Variants in RABGAP1L observed in about 807,000 individuals in gnomAD.
The protein encoded by RABGAP1L is rab GTPase-activating protein 1-like.
In RABGAP1L, 63 loss-of-function variants were observed where a neutral mutation model predicts 137.7. That is an observed-to-expected ratio of 0.46 (90% confidence interval 0.37 to 0.56). The LOEUF (loss-of-function observed/expected upper bound fraction) is 0.56, where lower values mean the gene tolerates loss of function less well. Ranked by LOEUF, RABGAP1L falls within the 20% of genes least tolerant of loss-of-function variation. RABGAP1L has a pLI of 0.00. For missense variants in RABGAP1L, 1,095 were observed against 1,244.0 expected, an observed-to-expected ratio of 0.88 and a Z score of 1.80; for synonymous variants, 431 against 433.7, an observed-to-expected ratio of 0.99 and a Z score of 0.08.
intron 19 of RABGAP1L, among the ~76,000 whole-genome samples, chr1:174,956,270 T>G (rs1223499602): frequency 1.3e-5 from 2 of 151,868 alleles, no homozygotes; most frequent in Admixed American, 1.3e-4. Context: ...GCCGTCATAG[T>G]GCACTGCAGC....
rs374858487 is a variant in RABGAP1L at position 174,931,312 on chromosome 1, A to G, written c.2341-26145A>G. ...CTGCTAATGGTGAGACTGATATTCT[A>G]ATACCCTAGTTCTAAGCCTAGCTTT... is the stretch of plus-strand genomic sequence containing the variant. On this transcript the variant is annotated intron_variant, in intron 19 of 25. Coordinates refer to ENST00000681986, the MANE Select transcript of RABGAP1L (RefSeq NM_001366446.1). 2.8e-4 allele frequency among the ~76,000 whole-genome samples: 43 copies of G among 152,298 alleles called. No homozygotes were observed. The Middle Eastern group carries it at 0.01, about 36-fold the overall frequency.
chr1:174,426,606 A>C (rs1651992027), intron 13 of RABGAP1L, among the ~76,000 whole-genome samples: 1 of 152,078 alleles, frequency 6.6e-6, no homozygotes, highest in South Asian at 2.1e-4. Context: ...AAGTCGATTT[A>C]TCTTATAAGC....
At chr1:174,665,811 C>T (rs1254526954) in intron 14 of RABGAP1L, among the ~76,000 whole-genome samples, 1 of 152,000 alleles carries the variant, frequency 6.6e-6, no homozygotes, top group Non-Finnish European at 1.5e-5. Flanking sequence ...GTACTTACTC[C>T]CAGAGGGGTG....
chr1:174,353,130 A>G (rs1356623601), intron 11 of RABGAP1L, among the ~76,000 whole-genome samples: 7 of 152,202 alleles, frequency 4.6e-5, no homozygotes, highest in African/African-American at 1.4e-4. Flanking sequence ...TCAGCAGGTG[A>G]TGAATCCTAC....
intron 13 of RABGAP1L, among the ~76,000 whole-genome samples, chr1:174,456,793 T>C (rs1656084973): frequency 6.6e-6 from 1 of 152,186 alleles, no homozygotes; most frequent in Non-Finnish European, 1.5e-5. Flanking sequence ...CACTGAGTTA[T>C]TTGAAAAGTT....
intron 20 of RABGAP1L, among the ~76,000 whole-genome samples, chr1:174,965,904 G>T (rs557447888): frequency 6.6e-4 from 100 of 152,184 alleles, no homozygotes; most frequent in African/African-American, 2.3e-3. Context: ...CCTTGCCCTT[G>T]CCCCTTTAGC....
At chr1:174,785,427 C>T (rs1687382784) in intron 18 of RABGAP1L, among the ~76,000 whole-genome samples, 1 of 152,198 alleles carries the variant, frequency 6.6e-6, no homozygotes, top group Non-Finnish European at 1.5e-5. Flanking sequence ...CGTTCAGCTA[C>T]TGTTTCAGTA....
intron 4 of RABGAP1L, chr1:174,238,974 G>A (rs1467417189): frequency 1.3e-5 from 2 of 157,546 alleles, no homozygotes; most frequent in Non-Finnish European, 1.4e-5. Flanking sequence ...CTCGTGGTGC[G>A]CCCTTTTTTA....
chr1:174,345,045 C>T (rs942288826), intron 11 of RABGAP1L, among the ~76,000 whole-genome samples: 4 of 152,148 alleles, frequency 2.6e-5, no homozygotes, highest in African/African-American at 9.7e-5. Flanking sequence ...AAGAGACTGT[C>T]CTTTCTTCAA....
At chr1:174,741,394 G>A (rs1003541701) in intron 17 of RABGAP1L, among the ~76,000 whole-genome samples, 1 of 151,966 alleles carries the variant, frequency 6.6e-6, no homozygotes, top group Non-Finnish European at 1.5e-5. Flanking sequence ...ACAGAGTCTT[G>A]CCTTGTCACC....
chr1:174,758,423 T>C (rs1249906588), intron 18 of RABGAP1L, among the ~76,000 whole-genome samples: 1 of 151,942 alleles, frequency 6.6e-6, no homozygotes, highest in African/African-American at 2.4e-5. Flanking sequence ...TTTATTTTTA[T>C]TTTTTTTAAT....
chr1:174,989,885 A>G lies in RABGAP1L; in HGVS notation c.3040A>G (p.Ile1014Val), dbSNP rs768060514. The change falls in exon 26 of 26, where the codon ATC becomes GTC. Residue 1014 changes from isoleucine (I) to valine (V), a missense_variant. Coordinates refer to ENST00000681986, the MANE Select transcript of RABGAP1L (RefSeq NM_001366446.1). ...EHQRGALMNEIQAAKNSWFSK... is the reference protein window; with the variant it reads ...EHQRGALMNEVQAAKNSWFSK... ...TCAGAGAGGAGCCCTTATGAATGAA[A>G]TCCAAGCTGCGAAAAACTCTTGGTT... 45 of 1,550,534 alleles carry G rather than the reference A, an allele frequency of 2.9e-5. No homozygotes were observed. The highest frequency in any genetic ancestry group is 7.8e-5 in the Admixed American group (4 of 50,986).
At chr1:174,900,188 G>A (rs1294761218) in intron 19 of RABGAP1L, among the ~76,000 whole-genome samples, 1 of 152,074 alleles carries the variant, frequency 6.6e-6, no homozygotes. Context: ...TTGGCATCTC[G>A]AACAAAGAAT....
intron 19 of RABGAP1L, among the ~76,000 whole-genome samples, chr1:174,816,751 G>A (rs992137765): frequency 2.7e-5 from 1 of 37,696 alleles, no homozygotes; most frequent in African/African-American, 7.0e-5. Context: ...TTTTTTTTTT[G>A]AGATGGAGTC....
chr1:174,452,101 C>T (rs1204710010), intron 13 of RABGAP1L, among the ~76,000 whole-genome samples: 1 of 152,018 alleles, frequency 6.6e-6, no homozygotes, highest in African/African-American at 2.4e-5. Flanking sequence ...TAAGCTAATC[C>T]TTATTTTGAA....
chr1:174,318,622 T>TTCTTTC (rs1679642049), intron 11 of RABGAP1L, among the ~76,000 whole-genome samples: 2 of 148,010 alleles, frequency 1.4e-5, no homozygotes, highest in Non-Finnish European at 3.0e-5. Context: ...CTTTCTTTCT[T>TTCTTTC]TCTTTCTTTC....
At chr1:174,414,557 C>G (rs190265949) in intron 13 of RABGAP1L, among the ~76,000 whole-genome samples, 8 of 152,022 alleles carry the variant, frequency 5.3e-5, no homozygotes, top group African/African-American at 1.9e-4. Context: ...GGTACTAGCC[C>G]TTAATAAATA....
rs568799256 is a variant in RABGAP1L at position 174,873,681 on chromosome 1, T to C, written c.2340+61721T>C. On this transcript the variant is annotated intron_variant, in intron 19 of 25. Transcript: ENST00000681986. ...GCGCGCCACCACGCCTGGCTAATTT[T>C]TGTATTTTTAGTAGAGGTGGGGTTT... Among the ~76,000 whole-genome samples, 245 of 151,672 alleles carry C rather than the reference T, an allele frequency of 1.6e-3. 1 individual carries two copies. Among genetic ancestry groups the C allele is most frequent in the Non-Finnish European group, 2.7e-3 (186 of 67,864 alleles).
chr1:174,518,495 T>A (rs1305953138), intron 13 of RABGAP1L, among the ~76,000 whole-genome samples: 2 of 152,236 alleles, frequency 1.3e-5, no homozygotes, highest in African/African-American at 4.8e-5. Flanking sequence ...TTTTTATTGC[T>A]GTATTGTTAT....
Sources: allele counts gnomAD v4.1 joint callset (sites outside exome capture counted in the v4.1 genomes callset), GRCh38; gene constraint gnomAD v4.1.1; transcripts MANE v1.5; gene names NCBI Gene and HGNC (gene_info 2026-07-23, HGNC 2026-07-21).